The following PTPN4 variants were observed in gnomAD, a reference collection of about 807,000 sequenced individuals.
PTPN4 encodes protein tyrosine phosphatase non-receptor type 4.
Under a neutral mutation model 135.5 loss-of-function variants are expected in PTPN4, and 49 were observed. That is an observed-to-expected ratio of 0.36 (90% CI 0.29 to 0.46). PTPN4 has a LOEUF of 0.46. Among genes scored for constraint, PTPN4 ranks in the 20% least tolerant of loss-of-function variants. The pLI, the probability that PTPN4 is intolerant of heterozygous loss-of-function variation, is 1.00. For synonymous variants in PTPN4, 333 were observed against 369.9 expected (o/e 0.90, Z 1.14); for missense variants, 860 against 1,101.0 (o/e 0.78, Z 3.10).
intron 1 of PTPN4, among the ~76,000 whole-genome samples, chr2:119,766,484 CTG>C (rs113673836): frequency 0.012 from 1,204 of 103,540 alleles, 8 homozygotes; most frequent in African/African-American, 0.042. Context: ...GTGTGTGTGT[CTG>C]TGTGTGTGTG....
chr2:119,902,603 A>G (rs1678422483), intron 10 of PTPN4, among the ~76,000 whole-genome samples: 1 of 152,236 alleles, frequency 6.6e-6, no homozygotes, highest in African/African-American at 2.4e-5. Flanking sequence ...TAGGACATTT[A>G]AAAGAGAACA....
At chr2:119,918,535 A>G (rs1469720939) in intron 11 of PTPN4, among the ~76,000 whole-genome samples, 7 of 152,234 alleles carry the variant, frequency 4.6e-5, no homozygotes, top group Non-Finnish European at 8.8e-5. Context: ...CTCAATAATT[A>G]TAAAGGAGGT....
intron 2 of PTPN4, among the ~76,000 whole-genome samples, chr2:119,810,430 T>A (rs1291498857): frequency 2.0e-5 from 3 of 152,242 alleles, no homozygotes; most frequent in African/African-American, 7.2e-5. Context: ...TTGTTCATCC[T>A]ATTTGTGTCT....
chr2:119,858,483 T>C (rs961514274), intron 2 of PTPN4, among the ~76,000 whole-genome samples: 10 of 152,188 alleles, frequency 6.6e-5, no homozygotes, highest in Non-Finnish European at 1.2e-4. Flanking sequence ...AAAATTTTAT[T>C]TTACAAACAA....
chr2:119,821,293 A>G (rs930775646), intron 2 of PTPN4, among the ~76,000 whole-genome samples: 19 of 152,028 alleles, frequency 1.2e-4, no homozygotes, highest in African/African-American at 4.3e-4. Flanking sequence ...AGGTTTCACC[A>G]TGTTGGCCAG....
rs1459742510 is a variant in PTPN4 at position 119,983,420 on chromosome 2, T to C, written c.*6350T>C. The C allele has an allele frequency of 6.6e-6, 1 of 152,168 alleles. No individual in the cohort carries two copies. The highest frequency in any genetic ancestry group is 1.5e-5 in the Non-Finnish European group (1 of 68,018). The allele number at this position is 152,168 out of a possible 1,614,324, so 9.4% of individuals were successfully genotyped here. A position where few individuals can be genotyped will look rare whatever the true frequency, so the allele number is the denominator to read the frequency against. On this transcript the variant is annotated 3_prime_UTR_variant, in exon 27 of 27. Coordinates refer to ENST00000263708, the MANE Select transcript of PTPN4 (RefSeq NM_002830.4). The stretch of plus-strand genomic sequence containing the variant: ...AAGCTTTTTAGTTTCTACTCCTGAA[T>C]TGTAGTGTTCAAGTTATTTGCCTTC...
chr2:119,850,797 A>C (rs1677579947), intron 2 of PTPN4, among the ~76,000 whole-genome samples: 1 of 152,244 alleles, frequency 6.6e-6, no homozygotes, highest in African/African-American at 2.4e-5. Context: ...TGTTATGCTC[A>C]GGAGCAGATC....
chr2:119,938,257 A>ACTTAGC (rs1446461063), intron 15 of PTPN4, among the ~76,000 whole-genome samples: 1 of 151,062 alleles, frequency 6.6e-6, no homozygotes, highest in African/African-American at 2.4e-5. Flanking sequence ...CCTCCCGAGT[A>ACTTAGC]GCTGGGACTA....
intron 1 of PTPN4, among the ~76,000 whole-genome samples, chr2:119,782,960 G>A (rs558231995): frequency 6.7e-6 from 1 of 149,842 alleles, no homozygotes; most frequent in Admixed American, 6.6e-5. Flanking sequence ...CTCCTGCCTT[G>A]GTATTACAGG....
At chr2:119,955,396 C>G (rs1176968585) in intron 20 of PTPN4, 73 bp downstream of exon 20, 3 of 1,173,910 alleles carry the variant, frequency 2.6e-6, no homozygotes, top group African/African-American at 3.2e-5. Flanking sequence ...TCTTAAGTGC[C>G]TAATCTGTGC....
At chr2:119,942,116 C>T (rs1679069896) in intron 15 of PTPN4, among the ~76,000 whole-genome samples, 1 of 152,180 alleles carries the variant, frequency 6.6e-6, no homozygotes, top group South Asian at 2.1e-4. Context: ...GGCCCATAAT[C>T]CATGAATTTA....
intron 1 of PTPN4, among the ~76,000 whole-genome samples, chr2:119,806,580 G>A (rs983636879): frequency 6.6e-6 from 1 of 152,146 alleles, no homozygotes; most frequent in African/African-American, 2.4e-5. Flanking sequence ...CATAAAACAA[G>A]TCCTTAGAGA....
At chr2:119,892,062 A>C (rs952977691) in intron 9 of PTPN4, among the ~76,000 whole-genome samples, 3 of 152,202 alleles carry the variant, frequency 2.0e-5, no homozygotes, top group African/African-American at 7.2e-5. Context: ...AAGTAGATAA[A>C]ACTGAACCCT....
At chr2:119,795,660 G>A (rs1691243242) in intron 1 of PTPN4, among the ~76,000 whole-genome samples, 1 of 152,232 alleles carries the variant, frequency 6.6e-6, no homozygotes, top group East Asian at 1.9e-4. Flanking sequence ...GGGCCTTCCT[G>A]GGTCCCCCAA....
chr2:119,811,673 G>T (rs980986771), intron 2 of PTPN4, among the ~76,000 whole-genome samples: 3 of 151,954 alleles, frequency 2.0e-5, no homozygotes, highest in Non-Finnish European at 4.4e-5. Context: ...AATAACTTTT[G>T]TCTTAGCTTA....
intron 15 of PTPN4, among the ~76,000 whole-genome samples, chr2:119,939,681 C>T (rs1329724089): frequency 2.0e-5 from 3 of 152,122 alleles, no homozygotes; most frequent in Non-Finnish European, 2.9e-5. Flanking sequence ...TAATGAATCT[C>T]CGCAGCTTTG....
At chr2:119,799,003 G>A (rs371679723) in intron 1 of PTPN4, among the ~76,000 whole-genome samples, 1 of 152,238 alleles carries the variant, frequency 6.6e-6, no homozygotes, top group East Asian at 1.9e-4. Flanking sequence ...CTACTCCTCG[G>A]CTTCTCTCTG....
intron 5 of PTPN4, among the ~76,000 whole-genome samples, chr2:119,879,529 G>A (rs1574384448): frequency 6.6e-6 from 1 of 152,100 alleles, no homozygotes; most frequent in Non-Finnish European, 1.5e-5. Context: ...ATCATTTGGG[G>A]GAGCTTTAAA....
At chr2:119,761,374 G>C (rs950691555) in intron 1 of PTPN4, among the ~76,000 whole-genome samples, 1 of 152,130 alleles carries the variant, frequency 6.6e-6, no homozygotes. Flanking sequence ...TAAGGGGGAA[G>C]GAGATGGCCT....
Sources: allele counts gnomAD v4.1 joint callset (sites outside exome capture counted in the v4.1 genomes callset), GRCh38; gene constraint gnomAD v4.1.1; transcripts MANE v1.5; gene names NCBI Gene and HGNC (gene_info 2026-07-23, HGNC 2026-07-21).